The following LNPK variants were observed in gnomAD, a reference collection of about 807,000 sequenced individuals.
LNPK encodes the protein endoplasmic reticulum junction formation protein lunapark.
Under a neutral mutation model 55.2 loss-of-function variants are expected in LNPK, and 29 were observed. The ratio of observed to expected loss-of-function variants is 0.53; its 90% CI spans 0.39 to 0.72. The LOEUF (loss-of-function observed/expected upper bound fraction) is 0.72, where lower values mean the gene tolerates loss of function less well. Ranked by LOEUF, LNPK falls within the 30% of genes least tolerant of loss-of-function variation. LNPK has a pLI of 0.00. For missense variants in LNPK, 467 were observed against 494.8 expected (o/e 0.94, Z 0.53); for synonymous variants, 162 against 168.2 (o/e 0.96, Z 0.29).
chr2:175,940,896 C>A, intron 9 of LNPK: 2 of 426,224 alleles, frequency 4.7e-6, no homozygotes, highest in Non-Finnish European at 9.3e-6. Context: ...ATGTGTACAA[C>A]AGTTTAGACA....
At chr2:175,996,467 A>G (rs1287280196) in intron 1 of LNPK, among the ~76,000 whole-genome samples, 1 of 152,238 alleles carries the variant, frequency 6.6e-6, no homozygotes, top group Non-Finnish European at 1.5e-5. Context: ...GACCTTTAGC[A>G]AATCACTTAA....
intron 5 of LNPK, among the ~76,000 whole-genome samples, chr2:175,973,757 C>G (rs1475268944): frequency 6.6e-6 from 1 of 152,212 alleles, no homozygotes; most frequent in Non-Finnish European, 1.5e-5. Flanking sequence ...GTCAACTCAA[C>G]AACAGCCAAG....
intron 1 of LNPK, among the ~76,000 whole-genome samples, chr2:176,001,488 T>C (rs2105380608): frequency 6.6e-6 from 1 of 152,264 alleles, no homozygotes; most frequent in South Asian, 2.1e-4. Flanking sequence ...TGACGGAATT[T>C]AGATTTGTTT....
chr2:175,960,389 C>T (rs551658896), intron 8 of LNPK, among the ~76,000 whole-genome samples: 1 of 152,284 alleles, frequency 6.6e-6, no homozygotes, highest in Non-Finnish European at 1.5e-5. Flanking sequence ...CAAATTAGAA[C>T]TCAGGATTAA....
rs1684188184 is a variant in LNPK at position 175,930,013 on chromosome 2, G to C, written c.1241C>G (p.Ser414Cys). The change falls in exon 13 of 13, where the codon TCT (serine) becomes TGT (cysteine). Residue 414 changes from serine to cysteine, a missense_variant. Ser to Cys is a moderately radical substitution (Grantham distance 112, BLOSUM62 -1). Coordinates refer to ENST00000272748, the MANE Select transcript of LNPK (RefSeq NM_030650.3). The part of the protein sequence containing the change: ...ETNSTVPGAD[S>C]IPDPELSGES... ...TCCACTTAGTTCAGGATCAGGAATA[G>C]AATCAGCTCCAGGAACTGTGGAGTT... 1.2e-6 allele frequency: 2 copies of C among 1,614,006 alleles called. No individual in the cohort carries two copies. Among genetic ancestry groups the C allele is most frequent in the African/African-American group, 1.3e-5 (1 of 75,020 alleles).
At position 175,929,373 on chromosome 2, in the gene LNPK, C is replaced by T. The variant is rs532687948; in HGVS notation, c.*594G>A. 25 of 985,660 alleles carry T rather than the reference C, an allele frequency of 2.5e-5. No individual in the cohort carries two copies. Among genetic ancestry groups the T allele is most frequent in the Admixed American group, 6.1e-5 (1 of 16,280 alleles). 61.1% of individuals were successfully genotyped at this position (985,660 alleles called of 1,614,324 possible). A position where few individuals can be genotyped will look rare whatever the true frequency, so the allele number is the denominator to read the frequency against. ...TTTCATTGCATTCTCACTGAGAATT[C>T]GTACCAGTGCCAACGTAGTTACAGT... is the stretch of plus-strand genomic sequence containing the variant. On this transcript the variant is annotated 3_prime_UTR_variant, in exon 13 of 13. Transcript: ENST00000272748.
chr2:175,948,929 T>A (rs1283178272), intron 8 of LNPK, among the ~76,000 whole-genome samples: 2 of 152,148 alleles, frequency 1.3e-5, no homozygotes, highest in Non-Finnish European at 1.5e-5. Context: ...TACTTAACTT[T>A]GATAAACCTG....
chr2:175,931,257 C>G (rs1308746946), intron 12 of LNPK, among the ~76,000 whole-genome samples: 1 of 152,112 alleles, frequency 6.6e-6, no homozygotes, highest in Non-Finnish European at 1.5e-5. Context: ...GTTACTGATT[C>G]AAAAACTCTG....
intron 8 of LNPK, among the ~76,000 whole-genome samples, chr2:175,958,987 A>AC (rs1232901320): frequency 6.6e-6 from 1 of 152,224 alleles, no homozygotes; most frequent in East Asian, 1.9e-4. Context: ...TGAAGATCAA[A>AC]TGAATGAAAT....
At chr2:175,967,135 A>T (rs1424357967) in intron 6 of LNPK, among the ~76,000 whole-genome samples, 4 of 152,174 alleles carry the variant, frequency 2.6e-5, no homozygotes, top group Non-Finnish European at 1.5e-5. Context: ...AAATTCGTAA[A>T]CTTTAAAACA....
chr2:175,931,066 AC>A (rs1264675934), intron 12 of LNPK, among the ~76,000 whole-genome samples: 2 of 152,186 alleles, frequency 1.3e-5, no homozygotes, highest in African/African-American at 4.8e-5. Context: ...GGAGCAGACA[AC>A]CTTTGGGCCA....
rs371167193 is a variant in LNPK at position 175,939,636 on chromosome 2, G to T, written c.728C>A (p.Pro243His). 5.0e-6 allele frequency: 8 copies of T among 1,587,356 alleles called. No individual in the cohort carries two copies. In the African/African-American group the frequency reaches 9.5e-5, roughly 19 times the overall value. The change falls in exon 10 of 13, where the codon CCT becomes CAT. Residue 243 changes from proline to histidine, a missense_variant. Pro to His is a moderately conservative substitution (Grantham distance 77). Transcript: ENST00000272748. ...TCGGGGGAGAATAGGTCTTGCTAAA[G>T]GTGGACCTGGAGGATGAAGACCTAT... ...PGMGLHPPGP[P>H]LARPILPRER... is the part of the protein sequence containing the mutation.
chr2:175,955,863 G>A (rs1237723449), intron 8 of LNPK, among the ~76,000 whole-genome samples: 1 of 152,184 alleles, frequency 6.6e-6, no homozygotes, highest in Non-Finnish European at 1.5e-5. Context: ...GAATTTAGCT[G>A]TGGCAAGATA....
chr2:176,002,168 A>T lies in LNPK; in HGVS notation c.-71T>A, dbSNP rs1688190848. On this transcript the variant is annotated 5_prime_UTR_variant, in exon 1 of 13. Transcript: ENST00000272748. The stretch of plus-strand genomic sequence containing the variant: ...CGCCTTGAGCGTTCTACCTGCAAGA[A>T]GCGGGCGCAGCCCGGCCCGGGCGTC... 1 of 444,850 alleles carries T rather than the reference A, an allele frequency of 2.2e-6. No individual in the cohort carries two copies. Among genetic ancestry groups the T allele is most frequent in the Non-Finnish European group, 4.5e-6 (1 of 222,738 alleles). 27.6% of individuals were successfully genotyped at this position (444,850 alleles called of 1,614,324 possible). A position where few individuals can be genotyped will look rare whatever the true frequency, so the allele number is the denominator to read the frequency against.
chr2:175,993,853 T>A (rs925682547), intron 2 of LNPK, among the ~76,000 whole-genome samples: 13 of 151,954 alleles, frequency 8.6e-5, no homozygotes, highest in Admixed American at 6.6e-5. Context: ...CCAAAAAAAA[T>A]TCTTAGGAAT....
chr2:175,984,647 A>C (rs1687324660), intron 4 of LNPK, among the ~76,000 whole-genome samples: 1 of 152,232 alleles, frequency 6.6e-6, no homozygotes, highest in Non-Finnish European at 1.5e-5. Flanking sequence ...ACAAAAAATT[A>C]AAACCACAAT....
intron 10 of LNPK, among the ~76,000 whole-genome samples, chr2:175,939,156 A>G (rs1477931976): frequency 6.6e-6 from 1 of 152,150 alleles, no homozygotes; most frequent in African/African-American, 2.4e-5. Flanking sequence ...TTGGAAAAGC[A>G]TTTTGAGAAA....
At position 175,979,888 on chromosome 2, in the gene LNPK, C is replaced by A; in HGVS notation, c.258-20G>T. 3 of 1,551,954 alleles carry A rather than the reference C, an allele frequency of 1.9e-6. No individual in the cohort carries two copies. Among genetic ancestry groups the A allele is most frequent in the Admixed American group, 2.1e-5 (1 of 48,044 alleles). ...CAGATGCTAAAAGGGAAGCAAAATTCAGAAACAAAAAACATCATTAGAAAA... is the reference window on the plus strand; with the variant it reads ...CAGATGCTAAAAGGGAAGCAAAATTAAGAAACAAAAAACATCATTAGAAAA... On this transcript the variant is annotated intron_variant, in intron 4 of 12. Coordinates refer to ENST00000272748, the MANE Select transcript of LNPK (RefSeq NM_030650.3).
At position 175,976,838 on chromosome 2, in the gene LNPK, T is replaced by C. The variant is rs150100817; in HGVS notation, c.316+2972A>G. On this transcript the variant is annotated intron_variant, in intron 5 of 12. Transcript: ENST00000272748. ...GAACTAAACCATTAGCCCTCCTGGG[T>C]CTCCAGCTTGCTAACTGCAGATCCT... Among the ~76,000 whole-genome samples the C allele has an allele frequency of 4.4e-3, 668 of 152,314 alleles. 5 individuals carry two copies. The highest frequency in any genetic ancestry group is 7.8e-3 in the Non-Finnish European group (529 of 68,034).
Sources: gnomAD v4.1 joint callset for allele counts (sites outside exome capture counted in the v4.1 genomes callset) on GRCh38, gnomAD v4.1.1 for gene constraint, MANE v1.5 for transcripts, NCBI Gene and HGNC (gene_info 2026-07-23, HGNC 2026-07-21) for gene names.